The following ZNF415 variants were observed in gnomAD, a reference collection of about 807,000 sequenced individuals.
ZNF415 encodes the protein zinc finger protein 415.
A neutral mutation model predicts 7.3 loss-of-function variants in ZNF415; 5 were observed. That is an observed-to-expected ratio of 0.69 (90% CI 0.36 to 1.44). The LOEUF is 1.44. Ranked by LOEUF, ZNF415 falls within the 40% of genes most tolerant of loss-of-function variation. ZNF415 has a pLI of 0.04. For missense variants in ZNF415, 628 were observed against 664.8 expected (o/e 0.94, Z 0.61); for synonymous variants, 207 against 226.3 (o/e 0.91, Z 0.77).
intron 2 of ZNF415, among the ~76,000 whole-genome samples, chr19:53,117,771 G>T (rs553537350): frequency 2.6e-5 from 4 of 152,086 alleles, no homozygotes. Context: ...AATATTGGCC[G>T]TCATGAAAAC....
At chr19:53,125,222 T>C (rs2146566237) in intron 1 of ZNF415, among the ~76,000 whole-genome samples, 1 of 152,032 alleles carries the variant, frequency 6.6e-6, no homozygotes, top group African/African-American at 2.4e-5. Context: ...TTCTGTATTT[T>C]TAGTAGAGAC....
chr19:53,118,346 CA>C (rs2087392606), intron 2 of ZNF415, among the ~76,000 whole-genome samples: 1 of 152,010 alleles, frequency 6.6e-6, no homozygotes, highest in Non-Finnish European at 1.5e-5. Context: ...AGACACAATC[CA>C]AAAATAATAA....
chr19:53,127,179 C>T (rs1251240651), intron 1 of ZNF415, among the ~76,000 whole-genome samples: 2 of 149,398 alleles, frequency 1.3e-5, no homozygotes, highest in Non-Finnish European at 3.0e-5. Flanking sequence ...ACAGACGCCC[C>T]CACAACAAAC....
At chr19:53,125,033 G>A (rs1384183411) in intron 1 of ZNF415, among the ~76,000 whole-genome samples, 1 of 134,108 alleles carries the variant, frequency 7.5e-6, no homozygotes, top group Admixed American at 8.0e-5. Context: ...TAACTGAAAG[G>A]GTCTGTTTAT....
rs73601420 is a variant in ZNF415 at position 53,122,792 on chromosome 19, C to T, written c.-67-49G>A. On this transcript the variant is annotated intron_variant, in intron 1 of 3. Coordinates refer to ENST00000243643, the MANE Select transcript of ZNF415 (RefSeq NM_018355.4). The stretch of plus-strand genomic sequence containing the variant: ...TTTATTGCTTAGAAACAACACACCC[C>T]CTCTTGTGTGACAAGCACACACATA... 4.7e-3 allele frequency: 6,657 copies of T among 1,419,738 alleles called. 225 individuals carry two copies. In the African/African-American group the frequency reaches 0.071, roughly 15 times the overall value. The allele number at this position is 1,419,738 out of a possible 1,614,324, so 87.9% of individuals were successfully genotyped here. A position where few individuals can be genotyped will look rare whatever the true frequency, so the allele number is the denominator to read the frequency against.
chr19:53,128,515 A>T (rs2089579283), intron 1 of ZNF415, among the ~76,000 whole-genome samples: 1 of 124,408 alleles, frequency 8.0e-6, no homozygotes, highest in Non-Finnish European at 1.8e-5. Context: ...ACCCTTCCTG[A>T]AGGGAATCCA....
intron 3 of ZNF415, among the ~76,000 whole-genome samples, chr19:53,110,891 A>G (rs1328538837): frequency 2.0e-5 from 3 of 152,240 alleles, no homozygotes; most frequent in Admixed American, 6.5e-5. Flanking sequence ...GCAATTCCCT[A>G]CATATGCATT....
In ZNF415 at chr19:53,108,576, T is replaced by C; in HGVS notation, c.1469A>G (p.His490Arg). Residue 490 changes from histidine to arginine, a missense_variant, in exon 4 of 4, where the codon CAT (histidine) becomes CGT (arginine). By Grantham distance (29) the His-to-Arg change is conservative (BLOSUM62 0). Transcript: ENST00000243643. Reference protein sequence around the residue: ...HSSLTTHQVIHTGEKPYKCNE... With the variant: ...HSSLTTHQVIRTGEKPYKCNE... Reference sequence around the variant, plus strand: ...ACATTTGTAAGGTTTTTCTCCAGTATGGATGACCTGATGGGTAGTTAGGCT... The same window carrying C: ...ACATTTGTAAGGTTTTTCTCCAGTACGGATGACCTGATGGGTAGTTAGGCT... The C allele has an allele frequency of 6.2e-7, 1 of 1,614,146 alleles. No homozygotes were observed. The highest frequency in any genetic ancestry group is 8.5e-7 in the Non-Finnish European group (1 of 1,179,976).
Position 53,109,634 on chromosome 19 carries a change from A to G in ZNF415, c.411T>C (p.His137=), listed in dbSNP as rs754195008. 3.1e-6 allele frequency: 5 copies of G among 1,614,128 alleles called. No individual in the cohort carries two copies. The highest frequency in any genetic ancestry group is 4.2e-6 in the Non-Finnish European group (5 of 1,180,006). The part of the protein sequence containing the change: ...RRGIGNKSIK[H]QLGLSFLPHP... ...GTGGTAGAAAGCTTAATCCAAGCTGATGTTTAATAGACTTGTTTCCTATAC... is the reference window on the plus strand; with the variant it reads ...GTGGTAGAAAGCTTAATCCAAGCTGGTGTTTAATAGACTTGTTTCCTATAC... The change falls in exon 4 of 4, where the codon CAT becomes CAC. Residue 137 remains histidine (H), a synonymous_variant. Coordinates refer to ENST00000243643, the MANE Select transcript of ZNF415 (RefSeq NM_018355.4).
chr19:53,111,002 T>A (rs2086149484), intron 3 of ZNF415, among the ~76,000 whole-genome samples: 1 of 152,190 alleles, frequency 6.6e-6, no homozygotes, highest in Non-Finnish European at 1.5e-5. Flanking sequence ...TTAAAACGAA[T>A]TGAAAATAAA....
chr19:53,124,765 A>T (rs918157595), intron 1 of ZNF415, among the ~76,000 whole-genome samples: 5 of 152,032 alleles, frequency 3.3e-5, no homozygotes, highest in Non-Finnish European at 5.9e-5. Flanking sequence ...GCTTCCAGGG[A>T]CTCAACGGTG....
chr19:53,109,337 T>A lies in ZNF415; in HGVS notation c.708A>T (p.Val236=), dbSNP rs775473432. Residue 236 remains valine (V), a synonymous_variant, in exon 4 of 4, where the codon GTA becomes GTT. Transcript: ENST00000243643. Reference sequence around the variant, plus strand: ...TATATCCTTTCTCTCCAGAATGACTTACCTGACGTACAGTCATGTGTGAGC... The same window carrying A: ...TATATCCTTTCTCTCCAGAATGACTAACCTGACGTACAGTCATGTGTGAGC... ...NHGSHMTVRQ[V]SHSGEKGYKC... 3.7e-6 allele frequency: 6 copies of A among 1,614,056 alleles called. No homozygotes were observed. In the East Asian group the frequency reaches 1.3e-4, roughly 36 times the overall value.
chr19:53,109,259 A>G lies in ZNF415; in HGVS notation c.786T>C (p.His262=), dbSNP rs1381583306. The G allele has an allele frequency of 2.5e-6, 4 of 1,614,172 alleles. No individual in the cohort carries two copies. Among genetic ancestry groups the G allele is most frequent in the Admixed American group, 3.3e-5 (2 of 60,012 alleles). The change falls in exon 4 of 4, where the codon CAT becomes CAC. Residue 262 remains histidine, a synonymous_variant. Coordinates refer to ENST00000243643, the MANE Select transcript of ZNF415 (RefSeq NM_018355.4). ...GTTTCTCTCCAGTATGAACTCTCCA[A>G]TGACGCGCAAGGTTTGATTTTTGAC... The part of the protein sequence containing the change: ...VFSQKSNLAR[H]WRVHTGEKPY...
chr19:53,123,653 G>A, intron 1 of ZNF415: 1 of 398,592 alleles, frequency 2.5e-6, no homozygotes, highest in Non-Finnish European at 4.4e-6. Context: ...GGTCAGAGAG[G>A]TCCTGGGAGG....
intron 3 of ZNF415, among the ~76,000 whole-genome samples, chr19:53,111,870 T>C (rs2086287790): frequency 6.6e-6 from 1 of 152,174 alleles, no homozygotes; most frequent in Non-Finnish European, 1.5e-5. Context: ...TATTCATGTA[T>C]CTAACCTAAA....
intron 3 of ZNF415, among the ~76,000 whole-genome samples, chr19:53,113,772 T>C (rs2086603502): frequency 6.6e-6 from 1 of 152,186 alleles, no homozygotes; most frequent in South Asian, 2.1e-4. Context: ...GCTGTGAACT[T>C]GAACAATGTC....
At chr19:53,115,346 GAAC>G (rs1205756397) in intron 3 of ZNF415, 7 of 205,618 alleles carry the variant, frequency 3.4e-5, no homozygotes, top group Admixed American at 2.7e-4. Flanking sequence ...AAAAAAAAAA[GAAC>G]AACAGCAACA....
In ZNF415 at chr19:53,125,336, C is replaced by CT. The variant is rs942638102; in HGVS notation, c.-67-2594dup. On this transcript the variant is annotated intron_variant, in intron 1 of 3. Coordinates refer to ENST00000243643, the MANE Select transcript of ZNF415 (RefSeq NM_018355.4). ...GGATTACAGGTGTGAGCCACCGCGCCTGGCCTTTTTTTTTTTTTTAAACAG... is the reference window on the plus strand; with the variant it reads ...GGATTACAGGTGTGAGCCACCGCGCCTTGGCCTTTTTTTTTTTTTTAAACAG... Among the ~76,000 whole-genome samples the CT allele has an allele frequency of 1.8e-4, 27 of 151,364 alleles. No individual in the cohort carries two copies. The East Asian group carries it at 4.7e-3, about 26-fold the overall frequency.
intron 1 of ZNF415, among the ~76,000 whole-genome samples, chr19:53,129,250 G>A (rs2560950): frequency 0.58 from 88,207 of 151,404 alleles, 25,997 homozygotes; most frequent in Middle Eastern, 0.64. Context: ...GAGGAGGCTG[G>A]ACACTGGCAG....
Sources: gnomAD v4.1 joint callset for allele counts (sites outside exome capture counted in the v4.1 genomes callset) on GRCh38, gnomAD v4.1.1 for gene constraint, MANE v1.5 for transcripts, NCBI Gene and HGNC (gene_info 2026-07-23, HGNC 2026-07-21) for gene names.